Variants in PPP2R5C observed in about 807,000 individuals in gnomAD.
PPP2R5C encodes the protein protein phosphatase 2 regulatory subunit B'gamma, also known as serine/threonine-protein phosphatase 2A 56 kDa regulatory subunit gamma isoform.
PPP2R5C carries 7 observed loss-of-function variants against 68.9 expected under a neutral mutation model. That is an observed-to-expected ratio of 0.10 (90% confidence interval 0.06 to 0.19). PPP2R5C has a LOEUF of 0.19. Among genes scored for constraint, PPP2R5C ranks in the 10% least tolerant of loss-of-function variants. The pLI is 1.00. For synonymous variants in PPP2R5C, 210 were observed against 222.2 expected (o/e 0.95, Z 0.49); for missense variants, 348 against 641.3 (o/e 0.54, Z 4.94).
chr14:101,872,684 A>G (rs1343899015), intron 2 of PPP2R5C, among the ~76,000 whole-genome samples: 1 of 152,086 alleles, frequency 6.6e-6, no homozygotes, highest in African/African-American at 2.4e-5. Flanking sequence ...GACATAATGT[A>G]CCCTTTCCCC....
At chr14:101,896,999 C>G (rs2140997981) in intron 8 of PPP2R5C, among the ~76,000 whole-genome samples, 1 of 150,562 alleles carries the variant, frequency 6.6e-6, no homozygotes, top group South Asian at 2.1e-4. Context: ...CCACAAAATT[C>G]AAGAAGAGCT....
At chr14:101,821,444 G>GTGT (rs1555386174) in intron 1 of PPP2R5C, among the ~76,000 whole-genome samples, 2 of 130,058 alleles carry the variant, frequency 1.5e-5, no homozygotes, top group African/African-American at 5.5e-5. Context: ...GTGGGGGGTG[G>GTGT]GTGGGTGGGT....
chr14:101,821,163 T>G (rs1566869578), intron 1 of PPP2R5C: 3 of 152,100 alleles, frequency 2.0e-5, no homozygotes, highest in Non-Finnish European at 4.4e-5. Flanking sequence ...TCTGGGACCA[T>G]GAGAGCTGAG....
chr14:101,914,069 C>A, intron 12 of PPP2R5C: 1 of 434,892 alleles, frequency 2.3e-6, no homozygotes, highest in Non-Finnish European at 4.6e-6. Flanking sequence ...TTCTGAAATA[C>A]GTATTGTTCT....
intron 1 of PPP2R5C, among the ~76,000 whole-genome samples, chr14:101,815,532 A>G (rs1258300221): frequency 6.6e-6 from 1 of 152,202 alleles, no homozygotes; most frequent in Non-Finnish European, 1.5e-5. Context: ...CCACAAAATC[A>G]GGAGTATCCC....
rs1032437135 is a variant in PPP2R5C at position 101,825,192 on chromosome 14, A to G, written c.94+15156A>G. Among the ~76,000 whole-genome samples, 1 of 147,728 alleles carries G rather than the reference A, an allele frequency of 6.8e-6. No homozygotes were observed. The highest frequency in any genetic ancestry group is 1.5e-5 in the Non-Finnish European group (1 of 67,396). ...AAAGTGATACTTTTGGCAGAGGGAT[A>G]GGATAAGAGGGTTTTCAGCGTGTGT... On this transcript the variant is annotated intron_variant, in intron 1 of 13. Coordinates refer to ENST00000334743, the Ensembl canonical transcript of PPP2R5C. This position sits in a 1 kb window ranked among gnomAD's most constrained non-coding sequence, Gnocchi z 4.0.
chr14:101,826,721 A>T (rs1423864533), intron 1 of PPP2R5C, among the ~76,000 whole-genome samples: 1 of 151,976 alleles, frequency 6.6e-6, no homozygotes. Flanking sequence ...TCTTTCTTCT[A>T]ATTCTGTAGC....
At chr14:101,884,685 A>G (rs1195145192) in intron 5 of PPP2R5C, among the ~76,000 whole-genome samples, 3 of 152,124 alleles carry the variant, frequency 2.0e-5, no homozygotes, top group African/African-American at 7.2e-5. Flanking sequence ...GGCTCCTTCC[A>G]CGCCAGGGCT....
At chr14:101,823,914 CAAG>C (rs1282760363) in intron 1 of PPP2R5C, 4 of 1,278,878 alleles carry the variant, frequency 3.1e-6, no homozygotes, top group Middle Eastern at 2.3e-4. Context: ...TCTAGAAAAA[CAAG>C]AGATGCAGAT....
At chr14:101,834,326 GT>G (rs749837673) in intron 1 of PPP2R5C, among the ~76,000 whole-genome samples, 13 of 152,232 alleles carry the variant, frequency 8.5e-5, no homozygotes, top group Non-Finnish European at 1.6e-4. Flanking sequence ...GGTTGCAGCA[GT>G]GACGGCAGCA....
chr14:101,819,166 G>A (rs957689943), intron 1 of PPP2R5C: 39 of 1,361,580 alleles, frequency 2.9e-5, no homozygotes, highest in South Asian at 6.5e-5. Flanking sequence ...ATGGGTTGTC[G>A]GTTTTGGTTT....
Position 101,917,871 on chromosome 14 carries a change from T to C in PPP2R5C, c.1367T>C (p.Val456Ala). 6.2e-7 allele frequency: 1 copy of C among 1,613,722 alleles called. No homozygotes were observed. The highest frequency in any genetic ancestry group is 8.5e-7 in the Non-Finnish European group (1 of 1,179,748). ...CAAGCCAGCACCATGAGCATTCCGG[T>C]TGCAATGGAGACAGATGGGCCTTTA... The change falls in exon 13 of 14, where the codon GTT (valine) becomes GCT (alanine). Residue 456 changes from valine (V) to alanine (A), a missense_variant. This residue lies in a region of PPP2R5C where 118 missense variants were observed against 108.9 expected (regional missense o/e 1.08). Transcript: ENST00000334743. The surrounding 1 kb of genome is among the most constrained non-coding windows in gnomAD (Gnocchi z 4.4).
chr14:101,911,525 G>A (rs1340594709), intron 11 of PPP2R5C, among the ~76,000 whole-genome samples: 4 of 152,096 alleles, frequency 2.6e-5, no homozygotes, highest in South Asian at 2.1e-4. Flanking sequence ...TCCTCCTCTC[G>A]TGGAATCCCA....
At chr14:101,881,123 T>A (rs933411044) in intron 2 of PPP2R5C, among the ~76,000 whole-genome samples, 2 of 152,090 alleles carry the variant, frequency 1.3e-5, no homozygotes, top group East Asian at 3.9e-4. Flanking sequence ...GCATGGTGAC[T>A]CACGCCTGTA....
chr14:101,843,553 G>A (rs1479514506), intron 1 of PPP2R5C: 1 of 176,400 alleles, frequency 5.7e-6, no homozygotes, highest in Admixed American at 6.3e-5. Flanking sequence ...GCAGAACTAG[G>A]TTCTTCTGGT....
At chr14:101,914,346 C>G in intron 12 of PPP2R5C, 1 of 324,048 alleles carries the variant, frequency 3.1e-6, no homozygotes, top group Non-Finnish European at 6.1e-6. Flanking sequence ...CTTCATGGGT[C>G]AATACCTCAG....
chr14:101,851,442 A>C (rs1434461583), intron 1 of PPP2R5C, among the ~76,000 whole-genome samples: 1 of 152,138 alleles, frequency 6.6e-6, no homozygotes, highest in Non-Finnish European at 1.5e-5. Flanking sequence ...AGTTAAAAAA[A>C]ATAAAAACGT....
At chr14:101,762,624 C>G (rs934806196) in intron 1 of PPP2R5C, among the ~76,000 whole-genome samples, 8 of 152,016 alleles carry the variant, frequency 5.3e-5, no homozygotes, top group Non-Finnish European at 5.9e-5. Context: ...TGATGTGGAT[C>G]TCAAAATGCC....
intron 3 of PPP2R5C, among the ~76,000 whole-genome samples, chr14:101,798,180 G>A (rs1341244352): frequency 2.0e-5 from 3 of 150,174 alleles, no homozygotes; most frequent in Non-Finnish European, 2.9e-5. Context: ...GCTGGCCAGC[G>A]CAGTGTGAGT....
Sources: gnomAD v4.1 joint callset for allele counts (sites outside exome capture counted in the v4.1 genomes callset) on GRCh38, gnomAD v4.1.1 for gene constraint, gnomAD v4.1.1 regional missense constraint, Gnocchi (gnomAD v3.1) non-coding constraint, MANE v1.5 for transcripts, NCBI Gene and HGNC (gene_info 2026-07-23, HGNC 2026-07-21) for gene names.